USP25: variants seen among roughly 807,000 people sequenced by gnomAD.
USP25 encodes the protein ubiquitin carboxyl-terminal hydrolase 25.
USP25 carries 85 observed loss-of-function variants against 158.5 expected under a neutral mutation model. That is an observed-to-expected ratio of 0.54 (90% CI 0.45 to 0.64). The LOEUF (loss-of-function observed/expected upper bound fraction) is 0.64. Ranked by LOEUF, USP25 falls within the 30% of genes least tolerant of loss-of-function variation. The probability of loss-of-function intolerance (pLI) is 0.00; values close to 1 mark genes in which losing one functional copy is unlikely to be tolerated. For synonymous variants in USP25, 464 were observed against 460.4 expected (o/e 1.01, Z -0.10); for missense variants, 1,242 against 1,327.3 (o/e 0.94, Z 1.00).
At chr21:15,853,538 G>A (rs1448372336) in intron 20 of USP25, among the ~76,000 whole-genome samples, 2 of 151,338 alleles carry the variant, frequency 1.3e-5, no homozygotes, top group East Asian at 3.9e-4. Flanking sequence ...CTACTTTATG[G>A]ATTTTTTTTG....
intron 3 of USP25, among the ~76,000 whole-genome samples, chr21:15,776,658 A>G (rs77611673): frequency 0.038 from 5,794 of 151,998 alleles, 165 homozygotes; most frequent in Middle Eastern, 0.14. Context: ...CCTGGGCAAG[A>G]CGCAAAACCT....
At position 15,875,645 on chromosome 21, in the gene USP25, G is replaced by A. The variant is rs1024434871; in HGVS notation, c.3009+1119G>A. ...GGTAAACCTCGTCTGGATCTTGATG[G>A]ATAAATAGAAGTTTTATTCATGATA... is the stretch of plus-strand genomic sequence containing the variant. On this transcript the variant is annotated intron_variant, in intron 24 of 25. Coordinates refer to ENST00000400183, the MANE Select transcript of USP25 (RefSeq NM_001283041.3). The surrounding 1 kb of genome is among the most constrained non-coding windows in gnomAD (Gnocchi z 4.7). 3.3e-5 allele frequency among the ~76,000 whole-genome samples: 5 copies of A among 152,170 alleles called. No homozygotes were observed. The highest frequency in any genetic ancestry group is 1.2e-4 in the African/African-American group (5 of 41,428).
chr21:15,826,516 T>C lies in USP25; in HGVS notation c.1466+151T>C. ...GATTCACTTAGAAGACTGTATGTCC[T>C]CTGGGAGTTTTTTTATTATTTCAGT... On this transcript the variant is annotated intron_variant, in intron 13 of 25. Transcript: ENST00000400183. The surrounding 1 kb of genome is among the most constrained non-coding windows in gnomAD (Gnocchi z 4.8). The C allele has an allele frequency of 1.2e-6, 1 of 864,438 alleles. No individual in the cohort carries two copies. The highest frequency in any genetic ancestry group is 1.7e-6 in the Non-Finnish European group (1 of 583,888). The allele number at this position is 864,438 out of a possible 1,614,324, so 53.5% of individuals were successfully genotyped here.
At chr21:15,807,086 G>A (rs2036428784) in intron 7 of USP25, among the ~76,000 whole-genome samples, 1 of 151,922 alleles carries the variant, frequency 6.6e-6, no homozygotes, top group Non-Finnish European at 1.5e-5. Context: ...ACCGCGCCTG[G>A]CAAATAATTT....
At chr21:15,845,848 A>G (rs2038558388) in intron 18 of USP25, among the ~76,000 whole-genome samples, 1 of 151,968 alleles carries the variant, frequency 6.6e-6, no homozygotes, top group Admixed American at 6.6e-5. Flanking sequence ...ATTAAATGTC[A>G]TGGACCAAGC....
intron 19 of USP25, among the ~76,000 whole-genome samples, chr21:15,848,604 T>C (rs1022756485): frequency 6.6e-6 from 1 of 152,168 alleles, no homozygotes; most frequent in Admixed American, 6.6e-5. Context: ...TGGGTTTGTA[T>C]AAGAATTGCA....
At chr21:15,775,088 C>T (rs2034560297) in intron 3 of USP25, among the ~76,000 whole-genome samples, 3 of 152,160 alleles carry the variant, frequency 2.0e-5, no homozygotes, top group Non-Finnish European at 2.9e-5. Flanking sequence ...ATTTTGAAGC[C>T]TGTGCACCAT....
At chr21:15,791,416 T>C (rs988178577) in intron 4 of USP25, 86 bp from the exon 5 acceptor site, 13 of 1,313,978 alleles carry the variant, frequency 9.9e-6, no homozygotes, top group South Asian at 8.4e-5. Flanking sequence ...TGAAATCTTA[T>C]GTAATGAAAA....
intron 4 of USP25, among the ~76,000 whole-genome samples, chr21:15,787,057 G>C (rs1020650796): frequency 1.3e-5 from 2 of 152,024 alleles, no homozygotes; most frequent in Non-Finnish European, 2.9e-5. Context: ...TAACCAAAGA[G>C]ATAAAAGATC....
At chr21:15,871,956 A>C (rs1340049104) in intron 23 of USP25, among the ~76,000 whole-genome samples, 2 of 145,714 alleles carry the variant, frequency 1.4e-5, no homozygotes, top group Non-Finnish European at 3.0e-5. Context: ...GCGCCACTGC[A>C]CTCCAGCCTG....
At chr21:15,761,287 G>A (rs999473247) in intron 1 of USP25, among the ~76,000 whole-genome samples, 1 of 152,188 alleles carries the variant, frequency 6.6e-6, no homozygotes, top group Non-Finnish European at 1.5e-5. Flanking sequence ...ACAGTAGGTA[G>A]CTAGTCAGAC....
At chr21:15,856,440 T>G (rs940988574) in intron 20 of USP25, among the ~76,000 whole-genome samples, 1 of 152,212 alleles carries the variant, frequency 6.6e-6, no homozygotes, top group Non-Finnish European at 1.5e-5. Context: ...GTATTTATAA[T>G]TTAAATAAAA....
chr21:15,873,938 T>C (rs1421395999), intron 23 of USP25, among the ~76,000 whole-genome samples: 2 of 151,844 alleles, frequency 1.3e-5, no homozygotes, highest in Non-Finnish European at 2.9e-5. Flanking sequence ...TTTTTCTCAG[T>C]AACTAAAACT....
chr21:15,873,102 C>T (rs1377456643), intron 23 of USP25, among the ~76,000 whole-genome samples: 1 of 151,250 alleles, frequency 6.6e-6, no homozygotes, highest in Non-Finnish European at 1.5e-5. Flanking sequence ...TTTTTTTCTT[C>T]CATTTTTGTT....
At chr21:15,805,817 G>GA (rs1352554586) in intron 7 of USP25, among the ~76,000 whole-genome samples, 2 of 152,052 alleles carry the variant, frequency 1.3e-5, no homozygotes, top group Non-Finnish European at 2.9e-5. Flanking sequence ...GAAAACAGAG[G>GA]AAAAAATACA....
At chr21:15,869,953 C>A in intron 22 of USP25, 115 bp from the exon 23 acceptor site, 2 of 664,896 alleles carry the variant, frequency 3.0e-6, no homozygotes, top group Non-Finnish European at 4.7e-6. Flanking sequence ...TCATTTTGAA[C>A]TCTTTATTTC....
At chr21:15,742,216 G>A (rs922158612) in intron 1 of USP25, among the ~76,000 whole-genome samples, 1 of 151,856 alleles carries the variant, frequency 6.6e-6, no homozygotes. Context: ...TTGCTGTTCA[G>A]TCTGGAAATG....
chr21:15,741,175 A>C (rs1195548568), intron 1 of USP25, among the ~76,000 whole-genome samples: 1 of 151,906 alleles, frequency 6.6e-6, no homozygotes, highest in Admixed American at 6.5e-5. Context: ...CTCAGCAAAA[A>C]GCTTTTGAGA....
Position 15,730,358 on chromosome 21 carries a change from G to GCCA in USP25, c.-33_-31dup, listed in dbSNP as rs529419094. 1.9e-5 allele frequency: 22 copies of GCCA among 1,170,264 alleles called. No homozygotes were observed. Among genetic ancestry groups the GCCA allele is most frequent in the Non-Finnish European group, 2.3e-5 (22 of 954,156 alleles). The allele number at this position is 1,170,264 out of a possible 1,614,324, so 72.5% of individuals were successfully genotyped here. A position where few individuals can be genotyped will look rare whatever the true frequency, so the allele number is the denominator to read the frequency against. Reference sequence around the variant, plus strand: ...CCGGCGGAGGCGCGAGGAGCCGGGCGCCACCGCCGCCGCCGCCGCCGCCGC... The same window carrying GCCA: ...CCGGCGGAGGCGCGAGGAGCCGGGCGCCACCACCGCCGCCGCCGCCGCCGCCGC... On this transcript the variant is annotated 5_prime_UTR_variant, in exon 1 of 26. Coordinates refer to ENST00000400183, the MANE Select transcript of USP25 (RefSeq NM_001283041.3).
Sources: allele counts gnomAD v4.1 joint callset (sites outside exome capture counted in the v4.1 genomes callset), GRCh38; gene constraint gnomAD v4.1.1; non-coding constraint Gnocchi (gnomAD v3.1); transcripts MANE v1.5; gene names NCBI Gene and HGNC (gene_info 2026-07-23, HGNC 2026-07-21).